The following AP4S1 variants were observed in gnomAD, a reference collection of about 807,000 sequenced individuals.
AP4S1 encodes the protein AP-4 complex subunit sigma-1.
AP4S1 carries 23 observed loss-of-function variants against 19.8 expected under a neutral mutation model. The observed-to-expected ratio is 1.16, with a 90% CI of 0.84 to 1.65. The LOEUF (loss-of-function observed/expected upper bound fraction) is 1.65. AP4S1 is among the 40% of genes most tolerant of loss of function. The pLI, the probability that AP4S1 is intolerant of heterozygous loss-of-function variation, is 0.00. For synonymous variants in AP4S1, 46 were observed against 54.1 expected (o/e 0.85, Z 0.66); for missense variants, 166 against 172.8 (o/e 0.96, Z 0.22).
intron 1 of AP4S1, among the ~76,000 whole-genome samples, chr14:31,035,753 A>G (rs1021012492): frequency 6.7e-6 from 1 of 149,614 alleles, no homozygotes; most frequent in African/African-American, 2.5e-5. Context: ...TTTTTGAGAC[A>G]GAGTCTCGAT....
rs530283046 is a variant in AP4S1, at chr14:31,082,738, T to C, written c.306+2154T>C. ...GGTGAAACCCCGTCTCTACTAAAAA[T>C]ACAAAAAATTAGCCGGGCGCGGTGG... is the stretch of plus-strand genomic sequence containing the variant. On this transcript the variant is annotated intron_variant, in intron 5 of 5. Transcript: ENST00000542754. 2.6e-5 allele frequency among the ~76,000 whole-genome samples: 4 copies of C among 151,066 alleles called. No homozygotes were observed. The South Asian group carries it at 8.4e-4, about 32-fold the overall frequency.
At chr14:31,079,241 A>G (rs958481421) in intron 4 of AP4S1, among the ~76,000 whole-genome samples, 1 of 152,178 alleles carries the variant, frequency 6.6e-6, no homozygotes, top group African/African-American at 2.4e-5. Flanking sequence ...TCACTGCATA[A>G]ATATCTATTT....
chr14:31,080,301 G>A lies in AP4S1; in HGVS notation c.295-272G>A, dbSNP rs565153381. Among the ~76,000 whole-genome samples, 3 of 152,342 alleles carry A rather than the reference G, an allele frequency of 2.0e-5. No homozygotes were observed. The South Asian group carries it at 6.2e-4, about 32-fold the overall frequency. Reference sequence around the variant, plus strand: ...TACACATATCAAATTACCTACATCTGTAAAGGCTGAGTTAGTTTCTTTTTC... The same window carrying A: ...TACACATATCAAATTACCTACATCTATAAAGGCTGAGTTAGTTTCTTTTTC... On this transcript the variant is annotated intron_variant, in intron 4 of 5. Transcript: ENST00000542754.
chr14:31,047,701 ACACAATCTTGCTGTGT>A (rs1464157118), intron 1 of AP4S1, among the ~76,000 whole-genome samples: 1 of 151,760 alleles, frequency 6.6e-6, no homozygotes, highest in Non-Finnish European at 1.5e-5. Flanking sequence ...AGCCTTTGAG[ACACAATCTTGCTGTGT>A]CACCAGGCTG....
chr14:31,073,395 C>T (rs1445411270), intron 4 of AP4S1, among the ~76,000 whole-genome samples: 3 of 134,062 alleles, frequency 2.2e-5, no homozygotes, highest in Admixed American at 1.6e-4. Flanking sequence ...GAGGCTGAGG[C>T]AGGAGAATGG....
At chr14:31,073,828 G>A (rs1887197982) in intron 4 of AP4S1, among the ~76,000 whole-genome samples, 1 of 151,496 alleles carries the variant, frequency 6.6e-6, no homozygotes, top group South Asian at 2.1e-4. Context: ...ACAGGCGTGA[G>A]CCACCGTGCC....
intron 1 of AP4S1, among the ~76,000 whole-genome samples, chr14:31,055,509 G>A (rs1886057643): frequency 6.6e-6 from 1 of 152,140 alleles, no homozygotes; most frequent in Admixed American, 6.6e-5. Context: ...ACAGAAGACT[G>A]AGTTCTAAAA....
chr14:31,067,066 C>T (rs1886756643), intron 2 of AP4S1, among the ~76,000 whole-genome samples: 1 of 152,120 alleles, frequency 6.6e-6, no homozygotes, highest in African/African-American at 2.4e-5. Flanking sequence ...GAAAAATTAG[C>T]TGGGCGTAAT....
chr14:31,043,343 C>T (rs905880095), intron 1 of AP4S1, among the ~76,000 whole-genome samples: 1 of 151,974 alleles, frequency 6.6e-6, no homozygotes, highest in Admixed American at 6.6e-5. Flanking sequence ...AAAGTTTCAT[C>T]CAAAGCTACT....
intron 1 of AP4S1, among the ~76,000 whole-genome samples, chr14:31,062,608 A>G (rs2139553841): frequency 6.6e-6 from 1 of 152,336 alleles, no homozygotes; most frequent in South Asian, 2.1e-4. Context: ...ATATACTTGC[A>G]TTAACAGATG....
At chr14:31,063,552 C>T (rs1018553788) in intron 1 of AP4S1, among the ~76,000 whole-genome samples, 4 of 152,146 alleles carry the variant, frequency 2.6e-5, no homozygotes. Flanking sequence ...CCTAGGAGTT[C>T]AAGGCTATAG....
At chr14:31,080,421 T>C in intron 4 of AP4S1, 152 bp from the exon 5 acceptor site, 1 of 676,984 alleles carries the variant, frequency 1.5e-6, no homozygotes, top group Non-Finnish European at 2.6e-6. Flanking sequence ...CTTAGGGCCT[T>C]GGCAGAGTCA....
intron 1 of AP4S1, among the ~76,000 whole-genome samples, chr14:31,065,731 G>A (rs1886678902): frequency 6.6e-6 from 1 of 152,082 alleles, no homozygotes; most frequent in Non-Finnish European, 1.5e-5. Flanking sequence ...CGCAATCTCG[G>A]CTCACTGCAA....
intron 1 of AP4S1, among the ~76,000 whole-genome samples, chr14:31,027,785 G>C (rs959638911): frequency 6.6e-6 from 1 of 152,156 alleles, no homozygotes; most frequent in African/African-American, 2.4e-5. Context: ...ATGCACTAGT[G>C]TGTTTCTAAA....
rs1888065819 is a variant in AP4S1 at position 31,091,148 on chromosome 14, C to T, written c.307-1759C>T. Among the ~76,000 whole-genome samples the T allele has an allele frequency of 2.6e-5, 4 of 152,160 alleles. No homozygotes were observed. The South Asian group carries it at 8.3e-4, about 32-fold the overall frequency. ...ATCTGAACAGCAGATCATCTGCTTG[C>T]CAAAGATGGGGCAGTCCACAGAGCA... is the stretch of plus-strand genomic sequence containing the variant. On this transcript the variant is annotated intron_variant, in intron 5 of 5. Coordinates refer to ENST00000542754, the MANE Select transcript of AP4S1 (RefSeq NM_001128126.3).
At chr14:31,077,463 A>G (rs1313729503) in intron 4 of AP4S1, among the ~76,000 whole-genome samples, 1 of 152,200 alleles carries the variant, frequency 6.6e-6, no homozygotes, top group Non-Finnish European at 1.5e-5. Context: ...TTCATGGGAC[A>G]GTCAGCTAGC....
At chr14:31,076,043 C>T (rs1481739249) in intron 4 of AP4S1, among the ~76,000 whole-genome samples, 1 of 152,118 alleles carries the variant, frequency 6.6e-6, no homozygotes, top group African/African-American at 2.4e-5. Flanking sequence ...GCCGGATATA[C>T]CAAATTTTTT....
At chr14:31,067,923 C>A (rs1886812721) in intron 2 of AP4S1, among the ~76,000 whole-genome samples, 1 of 151,528 alleles carries the variant, frequency 6.6e-6, no homozygotes, top group Non-Finnish European at 1.5e-5. Context: ...GGCTGGAGTG[C>A]AACGGCACGA....
intron 1 of AP4S1, among the ~76,000 whole-genome samples, chr14:31,040,819 A>T (rs536445754): frequency 2.6e-5 from 4 of 152,136 alleles, no homozygotes; most frequent in Non-Finnish European, 5.9e-5. Context: ...TAGAAAAATG[A>T]TAGGCCAGTT....
Sources: allele counts gnomAD v4.1 joint callset (sites outside exome capture counted in the v4.1 genomes callset), GRCh38; gene constraint gnomAD v4.1.1; transcripts MANE v1.5; gene names NCBI Gene and HGNC (gene_info 2026-07-23, HGNC 2026-07-21).